The following DLGAP2 variants were observed in gnomAD, a reference collection of about 807,000 sequenced individuals.
DLGAP2 encodes DLG associated protein 2.
DLGAP2 carries 26 observed loss-of-function variants against 100.3 expected under a neutral mutation model. The observed-to-expected ratio is 0.26, with a 90% CI of 0.19 to 0.36. The LOEUF is 0.36. DLGAP2 is among the 10% of genes least tolerant of loss of function. The probability of loss-of-function intolerance (pLI) is 1.00; values close to 1 mark genes in which losing one functional copy is unlikely to be tolerated. For missense variants in DLGAP2, 1,858 were observed against 1,453.2 expected, an observed-to-expected ratio of 1.28 and a Z score of -4.53; for synonymous variants, 886 against 630.1, an observed-to-expected ratio of 1.41 and a Z score of -6.08.
chr8:1,344,211 G>GTCCGTGTACT (rs1801502148), intron 3 of DLGAP2, among the ~76,000 whole-genome samples: 1 of 113,172 alleles, frequency 8.8e-6, no homozygotes. Flanking sequence ...GCCCTGTCGT[G>GTCCGTGTACT]GGGCCTGTGC....
In DLGAP2 at chr8:1,506,881, A is replaced by G. The variant is rs1376062492; in HGVS notation, c.172+5450A>G. Among the ~76,000 whole-genome samples, 6 of 152,236 alleles carry G rather than the reference A, an allele frequency of 3.9e-5. No individual in the cohort carries two copies. In the South Asian group the frequency reaches 1.2e-3, roughly 32 times the overall value. On this transcript the variant is annotated intron_variant, in intron 4 of 14. Transcript: ENST00000637795. ...CAGAGCATAGATTGGTGCATTTACA[A>G]ACCTTGAGCTAGACACAGAGTGCTG...
intron 1 of DLGAP2, among the ~76,000 whole-genome samples, chr8:785,119 A>T (rs902558842): frequency 1.4e-5 from 2 of 147,824 alleles, no homozygotes; most frequent in Non-Finnish European, 3.0e-5. Context: ...AGGGAGGCTG[A>T]GGCAGGAGAA....
intron 2 of DLGAP2, among the ~76,000 whole-genome samples, chr8:1,174,540 T>C (rs921108746): frequency 1.4e-5 from 2 of 139,844 alleles, no homozygotes; most frequent in Admixed American, 1.4e-4. Flanking sequence ...ATTATCATCA[T>C]TACCATCACC....
chr8:927,645 A>T (rs1348623467), intron 2 of DLGAP2, among the ~76,000 whole-genome samples: 2 of 152,110 alleles, frequency 1.3e-5, no homozygotes, highest in African/African-American at 4.8e-5. Flanking sequence ...GGGGTAGGGT[A>T]TGGGGTTGTT....
At chr8:1,662,272 T>A (rs11136418) in intron 8 of DLGAP2, among the ~76,000 whole-genome samples, 16,560 of 152,312 alleles carry the variant, frequency 0.11, 1,178 homozygotes, top group Admixed American at 0.16. Flanking sequence ...TACTCTGGCT[T>A]AAGCCCATTA....
intron 3 of DLGAP2, among the ~76,000 whole-genome samples, chr8:1,481,036 G>T (rs1472147995): frequency 2.0e-5 from 3 of 152,016 alleles, no homozygotes; most frequent in African/African-American, 7.2e-5. Flanking sequence ...GCTGGGCGTG[G>T]TGGCGGGTGC....
intron 1 of DLGAP2, among the ~76,000 whole-genome samples, chr8:803,906 A>G (rs895710593): frequency 7.2e-5 from 11 of 152,228 alleles, no homozygotes; most frequent in Non-Finnish European, 1.6e-4. Flanking sequence ...AGGGCTTTCA[A>G]AAGAAATTTG....
intron 3 of DLGAP2, among the ~76,000 whole-genome samples, chr8:1,303,263 G>A (rs1274243686): frequency 3.3e-5 from 5 of 152,156 alleles, no homozygotes; most frequent in Non-Finnish European, 7.4e-5. Context: ...CGGGCGTGGT[G>A]GCGGGCGCCT....
intron 3 of DLGAP2, among the ~76,000 whole-genome samples, chr8:1,426,193 C>G (rs1307140655): frequency 2.0e-5 from 3 of 152,152 alleles, no homozygotes; most frequent in Admixed American, 6.5e-5. Context: ...ACTTTGTCCA[C>G]CCAATACCCA....
intron 3 of DLGAP2, among the ~76,000 whole-genome samples, chr8:1,409,129 GC>G (rs1796656895): frequency 1.1e-5 from 1 of 87,990 alleles, no homozygotes; most frequent in African/African-American, 4.1e-5. Flanking sequence ...ACCATAGCAG[GC>G]GCCCGGCTCC....
chr8:1,291,890 C>T (rs906774734), intron 3 of DLGAP2, among the ~76,000 whole-genome samples: 1 of 152,176 alleles, frequency 6.6e-6, no homozygotes, highest in Non-Finnish European at 1.5e-5. Context: ...CAGTCTTGCC[C>T]TTGACTAACT....
chr8:840,487 T>C (rs1156738824), intron 1 of DLGAP2, among the ~76,000 whole-genome samples: 88 of 92,822 alleles, frequency 9.5e-4, no homozygotes, highest in East Asian at 1.5e-3. Flanking sequence ...CACGTCTCCC[T>C]ACACTCTGGA....
intron 1 of DLGAP2, among the ~76,000 whole-genome samples, chr8:882,084 A>C (rs184509676): frequency 6.6e-6 from 1 of 152,218 alleles, no homozygotes; most frequent in Non-Finnish European, 1.5e-5. Context: ...CACCCAGTCC[A>C]GAGGCTTCCC....
chr8:1,219,244 G>C (rs921946257), intron 2 of DLGAP2, among the ~76,000 whole-genome samples: 2 of 152,130 alleles, frequency 1.3e-5, no homozygotes, highest in African/African-American at 2.4e-5. Flanking sequence ...TCAATATGAT[G>C]TTGGCTGTGG....
chr8:922,309 G>T (rs1264785629), intron 2 of DLGAP2, among the ~76,000 whole-genome samples: 2 of 152,166 alleles, frequency 1.3e-5, no homozygotes, highest in Non-Finnish European at 2.9e-5. Context: ...GGTGCTAATT[G>T]CGGTAAAGGG....
rs1797685114 is a variant in DLGAP2 at position 1,632,933 on chromosome 8, G to A, written c.1697G>A (p.Arg566Gln). 1.2e-6 allele frequency: 2 copies of A among 1,613,814 alleles called. No individual in the cohort carries two copies. The highest frequency in any genetic ancestry group is 1.3e-5 in the African/African-American group (1 of 74,902). The change falls in exon 8 of 15, where the codon CGA becomes CAA. Residue 566 changes from arginine to glutamine, a missense_variant. Arg to Gln is a conservative substitution (Grantham distance 43, BLOSUM62 1). Transcript: ENST00000637795. ...GCCCTCGACCTCCCGGGATGTTTCC[G>A]AACAAGGAGTCACAGCTACCTTCGA... ...MDALDLPGCF[R>Q]TRSHSYLRAI...
chr8:1,110,707 T>G (rs1347045568), intron 2 of DLGAP2, among the ~76,000 whole-genome samples: 1 of 138,668 alleles, frequency 7.2e-6, no homozygotes. Context: ...CAGGGAAGAT[T>G]TATAGCCTTT....
intron 1 of DLGAP2, among the ~76,000 whole-genome samples, chr8:856,171 A>ATCTTCTTTTTCT (rs1554433992): frequency 7.9e-6 from 1 of 126,578 alleles, no homozygotes; most frequent in Non-Finnish European, 1.6e-5. Flanking sequence ...TAGTGGAAAA[A>ATCTTCTTTTTCT]TCTTCTTCTT....
chr8:875,667 G>C (rs1393738611), intron 1 of DLGAP2, among the ~76,000 whole-genome samples: 1 of 152,150 alleles, frequency 6.6e-6, no homozygotes, highest in African/African-American at 2.4e-5. Context: ...AGCAGTGTGA[G>C]AATGAACTAA....
Sources: allele counts gnomAD v4.1 joint callset (sites outside exome capture counted in the v4.1 genomes callset), GRCh38; gene constraint gnomAD v4.1.1; transcripts MANE v1.5; gene names NCBI Gene and HGNC (gene_info 2026-07-23, HGNC 2026-07-21).